Variants in SLC25A43 observed in about 807,000 individuals in gnomAD.
The protein encoded by SLC25A43 is solute carrier family 25, member 43.
SLC25A43 carries 10 observed loss-of-function variants against 22.8 expected under a neutral mutation model. The ratio of observed to expected loss-of-function variants is 0.44; its 90% confidence interval spans 0.27 to 0.74. SLC25A43 has a LOEUF of 0.74. Ranked by LOEUF, SLC25A43 falls within the 30% of genes least tolerant of loss-of-function variation. The pLI is 0.17. For synonymous variants in SLC25A43, 106 were observed against 121.6 expected (o/e 0.87, Z 0.84); for missense variants, 233 against 279.1 (o/e 0.83, Z 1.18).
chrX:119,452,160 G>A lies in SLC25A43; in HGVS notation c.825+17G>A, dbSNP rs1405022152. 2 of 1,177,745 alleles carry A rather than the reference G, an allele frequency of 1.7e-6. No individual in the cohort carries two copies. Among genetic ancestry groups the A allele is most frequent in the East Asian group, 3.0e-5 (1 of 33,257 alleles). ...TTACTGAAGGTGAGAAGAGCCACCA[G>A]CCTCCGCTGCTCCCCTGCCTCTTCC... On this transcript the variant is annotated intron_variant, in intron 4 of 4. Transcript: ENST00000217909.
At chrX:119,426,143 T>A in intron 3 of SLC25A43, 1 of 687,686 alleles carries the variant, frequency 1.5e-6, no homozygotes, top group Non-Finnish European at 1.7e-6. Flanking sequence ...CTGGGAGCAT[T>A]CACAGGAAGT....
In SLC25A43 at chrX:119,452,913, AGAATCT is replaced by A. The variant is rs1320106332; in HGVS notation, c.876_881del (p.Arg292_Cys294delinsSer). ...GTTTAGCACCTTTGAGTTCTGCAAG[AGAATCT>A]GTCTTTATCAAAATGGTTACATTCT... On this transcript the variant is annotated inframe_deletion, in exon 5 of 5. Transcript: ENST00000217909. The A allele has an allele frequency of 1.7e-6, 2 of 1,210,047 alleles. No homozygotes were observed. The highest frequency in any genetic ancestry group is 5.9e-5 in the East Asian group (2 of 33,804).
rs56389948 is a variant in SLC25A43, at chrX:119,405,595, CAAAAAAAAAAAAA to C, written c.276-851_276-839del. ...CCAACATGGCGAAACCCTATCTCTA[CAAAAAAAAAAAAA>C]AAAAAAAAAAAAATAGCCAGGCATG... On this transcript the variant is annotated intron_variant, in intron 1 of 4. Transcript: ENST00000217909. Among the ~76,000 whole-genome samples, 388 of 51,156 alleles carry C rather than the reference CAAAAAAAAAAAAA, an allele frequency of 7.6e-3. 4 individuals are homozygous for C. Among genetic ancestry groups the C allele is most frequent in the African/African-American group, 0.023 (311 of 13,243 alleles). 44.4% of individuals were successfully genotyped at this position (51,156 alleles called of 115,157 possible).
chrX:119,448,865 T>C (rs1293259957), intron 3 of SLC25A43, among the ~76,000 whole-genome samples: 5 of 111,895 alleles, frequency 4.5e-5, no homozygotes, highest in Non-Finnish European at 7.5e-5. Context: ...ATCCTGAGTG[T>C]CGGGCATATA....
intron 3 of SLC25A43, chrX:119,422,809 T>A (rs1196585569): frequency 8.9e-6 from 1 of 112,407 alleles, no homozygotes; most frequent in Non-Finnish European, 1.9e-5. Flanking sequence ...AATCAGGTTC[T>A]ATGCATCTCA....
intron 3 of SLC25A43, among the ~76,000 whole-genome samples, chrX:119,420,935 C>T (rs750414665): frequency 6.4e-5 from 7 of 109,901 alleles, no homozygotes; most frequent in Admixed American, 5.8e-4. Context: ...AATGAAACCC[C>T]GTCTCTACTA....
intron 3 of SLC25A43, among the ~76,000 whole-genome samples, chrX:119,451,209 T>C: frequency 9.0e-6 from 1 of 111,193 alleles, no homozygotes; most frequent in Admixed American, 9.6e-5. Flanking sequence ...CTTTCAGAGA[T>C]GGAGCATTTT....
At chrX:119,404,601 ACAGAGG>A (rs1196756854) in intron 1 of SLC25A43, among the ~76,000 whole-genome samples, 4 of 111,338 alleles carry the variant, frequency 3.6e-5, no homozygotes, top group African/African-American at 1.3e-4. Context: ...AAGATTTGTT[ACAGAGG>A]CATGATTGAC....
chrX:119,411,872 A>G (rs899349955), intron 3 of SLC25A43, among the ~76,000 whole-genome samples: 1 of 112,005 alleles, frequency 8.9e-6, no homozygotes, highest in Non-Finnish European at 1.9e-5. Flanking sequence ...CCACAGAACT[A>G]AAAATAAAAA....
At chrX:119,429,241 A>G (rs1052443827) in intron 3 of SLC25A43, among the ~76,000 whole-genome samples, 1 of 110,669 alleles carries the variant, frequency 9.0e-6, no homozygotes, top group Non-Finnish European at 1.9e-5. Flanking sequence ...CAGTAGAGAC[A>G]GGGTTTCACC....
At chrX:119,428,071 T>C (rs1186792125) in intron 3 of SLC25A43, among the ~76,000 whole-genome samples, 1 of 112,211 alleles carries the variant, frequency 8.9e-6, no homozygotes, top group Non-Finnish European at 1.9e-5. Context: ...TATGCAAAGA[T>C]CCACATAAAC....
At chrX:119,431,473 A>G (rs992091955) in intron 3 of SLC25A43, among the ~76,000 whole-genome samples, 15 of 107,185 alleles carry the variant, frequency 1.4e-4, no homozygotes, top group African/African-American at 5.1e-4. Flanking sequence ...AGATCGTGCC[A>G]CTGCACTTCA....
At chrX:119,413,074 C>A (rs1158781621) in intron 3 of SLC25A43, among the ~76,000 whole-genome samples, 1 of 109,624 alleles carries the variant, frequency 9.1e-6, no homozygotes, top group African/African-American at 3.3e-5. Context: ...AGCTATAATC[C>A]TGCCACCGCA....
intron 3 of SLC25A43, chrX:119,423,569 AAAAC>A (rs2052476024): frequency 9.0e-6 from 1 of 111,100 alleles, no homozygotes; most frequent in African/African-American, 3.3e-5. Flanking sequence ...AAAAAAAAGA[AAAAC>A]AAAAGTTGGT....
chrX:119,403,124 T>C (rs2052252762), intron 1 of SLC25A43, among the ~76,000 whole-genome samples: 1 of 110,469 alleles, frequency 9.1e-6, no homozygotes, highest in Non-Finnish European at 1.9e-5. Context: ...GTCTGATACA[T>C]TGTAGACCTT....
At chrX:119,417,580 C>T (rs1027157321) in intron 3 of SLC25A43, among the ~76,000 whole-genome samples, 1 of 111,140 alleles carries the variant, frequency 9.0e-6, no homozygotes, top group African/African-American at 3.3e-5. Flanking sequence ...ATCCAGCCAA[C>T]ACCGCATTCT....
chrX:119,444,734 T>A, intron 3 of SLC25A43, among the ~76,000 whole-genome samples: 1 of 101,001 alleles, frequency 9.9e-6, no homozygotes, highest in Admixed American at 1.1e-4. Context: ...AAATTGAAGC[T>A]CAGAGAAGTT....
intron 3 of SLC25A43, among the ~76,000 whole-genome samples, chrX:119,429,081 G>A (rs868210926): frequency 1.8e-5 from 1 of 54,867 alleles, no homozygotes. Context: ...TTTTTTTTTT[G>A]AGATGGAGTC....
intron 2 of SLC25A43, among the ~76,000 whole-genome samples, chrX:119,407,527 C>A (rs1328566942): frequency 1.8e-5 from 2 of 111,315 alleles, no homozygotes; most frequent in Non-Finnish European, 3.8e-5. Context: ...TCTCATGAGG[C>A]CTTATTTTAC....
Sources: allele counts gnomAD v4.1 joint callset (sites outside exome capture counted in the v4.1 genomes callset), GRCh38; gene constraint gnomAD v4.1.1; transcripts MANE v1.5; gene names NCBI Gene and HGNC (gene_info 2026-07-23, HGNC 2026-07-21).